The following STS variants were observed in gnomAD, a reference collection of about 807,000 sequenced individuals.
STS encodes steroid sulfatase, also known as steryl-sulfatase.
STS carries 7 observed loss-of-function variants against 26.8 expected under a neutral mutation model. That is an observed-to-expected ratio of 0.26 (90% CI 0.15 to 0.49). The LOEUF is 0.49. Among genes scored for constraint, STS ranks in the 20% least tolerant of loss-of-function variants. STS has a pLI of 0.98. For missense variants in STS, 434 were observed against 465.6 expected (o/e 0.93, Z 0.63); for synonymous variants, 199 against 189.4 (o/e 1.05, Z -0.42).
At chrX:7,303,989 G>A (rs780908968) in intron 7 of STS, among the ~76,000 whole-genome samples, 21 of 111,777 alleles carry the variant, frequency 1.9e-4, no homozygotes, top group Non-Finnish European at 3.4e-4. Flanking sequence ...TAAGACAGCA[G>A]CTATCATGTT....
At chrX:7,338,107 G>A (rs924642777) in intron 10 of STS, among the ~76,000 whole-genome samples, 2 of 111,537 alleles carry the variant, frequency 1.8e-5, no homozygotes, top group Non-Finnish European at 3.8e-5. Context: ...ATTATAACAT[G>A]GATAACTTTT....
intron 1 of STS, among the ~76,000 whole-genome samples, chrX:7,174,353 A>AATCTC (rs752240674): frequency 4.1e-4 from 46 of 111,464 alleles, no homozygotes; most frequent in Non-Finnish European, 4.0e-4. Flanking sequence ...ACCCTGATTC[A>AATCTC]ATCTCCTCGC....
At chrX:7,210,520 G>A (rs1189515332) in intron 2 of STS, among the ~76,000 whole-genome samples, 2 of 105,075 alleles carry the variant, frequency 1.9e-5, no homozygotes, top group East Asian at 5.7e-4. Context: ...ATAAAAAATA[G>A]ATGTATGTAT....
intron 6 of STS, among the ~76,000 whole-genome samples, chrX:7,263,952 A>G (rs754050703): frequency 8.9e-6 from 1 of 112,087 alleles, no homozygotes; most frequent in East Asian, 2.8e-4. Context: ...TAATGTAAAG[A>G]ATAAAGAATT....
At chrX:7,334,368 A>G (rs1927912313) in intron 10 of STS, among the ~76,000 whole-genome samples, 1 of 111,556 alleles carries the variant, frequency 9.0e-6, no homozygotes, top group Admixed American at 9.5e-5. Flanking sequence ...CTATCCCAGC[A>G]GAGAAAGCTC....
chrX:7,266,934 T>G (rs770698430), intron 6 of STS, among the ~76,000 whole-genome samples: 81 of 112,080 alleles, frequency 7.2e-4, no homozygotes, highest in Admixed American at 6.5e-3. Context: ...CCACACCCAT[T>G]GCTTCCTTCA....
chrX:7,169,901 G>C (rs1480786920), intron 1 of STS, among the ~76,000 whole-genome samples: 2 of 97,908 alleles, frequency 2.0e-5, no homozygotes, highest in Admixed American at 1.2e-4. Flanking sequence ...GGTGGGGGGG[G>C]CTGGGGGGTG....
At position 7,259,220 on chromosome X, in the gene STS, C is replaced by T. The variant is rs1400209731; in HGVS notation, c.383-129C>T. The T allele has an allele frequency of 3.1e-5, 21 of 687,838 alleles. No homozygotes were observed. In the African/African-American group the frequency reaches 4.3e-4, roughly 14 times the overall value. The allele number at this position is 687,838 out of a possible 1,213,427, so 56.7% of individuals were successfully genotyped here. A position where few individuals can be genotyped will look rare whatever the true frequency, so the allele number is the denominator to read the frequency against. On this transcript the variant is annotated intron_variant, in intron 5 of 10. Coordinates refer to ENST00000674429, the MANE Select transcript of STS (RefSeq NM_001320752.2). ...AAAAAAAGTGAAAAATTCTAGGGTC[C>T]TATGAGCGGGAAGGCTAGCTTCATG...
chrX:7,320,042 A>T (rs1194213654), intron 8 of STS, among the ~76,000 whole-genome samples: 2 of 92,835 alleles, frequency 2.2e-5, no homozygotes, highest in African/African-American at 4.0e-5. Context: ...ATATTTATAT[A>T]TTATATATAT....
intron 7 of STS, among the ~76,000 whole-genome samples, chrX:7,301,043 C>T (rs1925938354): frequency 9.0e-6 from 1 of 111,121 alleles, no homozygotes; most frequent in Non-Finnish European, 1.9e-5. Flanking sequence ...CTTTAGCACA[C>T]AGCCCGTGTA....
intron 8 of STS, among the ~76,000 whole-genome samples, chrX:7,308,552 G>A (rs1229564025): frequency 2.7e-5 from 3 of 111,204 alleles, no homozygotes; most frequent in African/African-American, 9.8e-5. Flanking sequence ...AATAATGGTT[G>A]GGAACCCCAG....
chrX:7,333,610 G>A (rs770902459), intron 9 of STS, among the ~76,000 whole-genome samples: 1 of 112,345 alleles, frequency 8.9e-6, no homozygotes, highest in South Asian at 3.7e-4. Context: ...CTTTGATCAG[G>A]CAATAGACAG....
intron 2 of STS, among the ~76,000 whole-genome samples, chrX:7,213,729 T>C (rs1921126474): frequency 8.9e-6 from 1 of 111,746 alleles, no homozygotes; most frequent in South Asian, 3.8e-4. Flanking sequence ...TGACTGTTTT[T>C]GTGTGTCCCA....
intron 2 of STS, among the ~76,000 whole-genome samples, chrX:7,213,831 T>C (rs1921129169): frequency 9.0e-6 from 1 of 110,837 alleles, no homozygotes; most frequent in South Asian, 3.9e-4. Flanking sequence ...CCTGTAATCA[T>C]GGTACTTTGG....
chrX:7,186,388 AG>A (rs1375604048), intron 1 of STS, among the ~76,000 whole-genome samples: 6 of 111,874 alleles, frequency 5.4e-5, no homozygotes, highest in Admixed American at 1.9e-4. Context: ...CATCTTGTAA[AG>A]AAGAGGCCTT....
intron 2 of STS, among the ~76,000 whole-genome samples, chrX:7,200,372 A>T (rs1367084256): frequency 9.0e-6 from 1 of 111,454 alleles, no homozygotes; most frequent in Non-Finnish European, 1.9e-5. Context: ...CTAGACTCTC[A>T]AATTTCAAAT....
intron 8 of STS, among the ~76,000 whole-genome samples, chrX:7,314,361 A>C (rs1471729568): frequency 9.0e-6 from 1 of 111,503 alleles, no homozygotes; most frequent in Non-Finnish European, 1.9e-5. Context: ...TGTCTCAAAA[A>C]AAAAGTGTGA....
chrX:7,263,430 A>G (rs1033381715), intron 6 of STS, among the ~76,000 whole-genome samples: 3 of 112,717 alleles, frequency 2.7e-5, no homozygotes, highest in African/African-American at 9.7e-5. Context: ...ATATGTCTAG[A>G]TAAATACTTG....
chrX:7,275,929 C>CTTTTTT lies in STS; in HGVS notation c.807-10_807-5dup, dbSNP rs748041421. The CTTTTTT allele has an allele frequency of 3.7e-6, 4 of 1,075,738 alleles. No individual in the cohort carries two copies. In the Admixed American group the frequency reaches 9.0e-5, roughly 24 times the overall value. 88.7% of individuals were successfully genotyped at this position (1,075,738 alleles called of 1,213,427 possible). ...TTATCTGTGGTCTTTTTTTTCCTCC[C>CTTTTTT]TTTTTTTTTTTTTTTTTGCAGGAAC... On this transcript the variant is annotated intron_variant, in intron 6 of 10. Coordinates refer to ENST00000674429, the MANE Select transcript of STS (RefSeq NM_001320752.2).
Sources: gnomAD v4.1 joint callset for allele counts (sites outside exome capture counted in the v4.1 genomes callset) on GRCh38, gnomAD v4.1.1 for gene constraint, MANE v1.5 for transcripts, NCBI Gene and HGNC (gene_info 2026-07-23, HGNC 2026-07-21) for gene names.